Variants in NINL observed in about 807,000 individuals in gnomAD.
NINL encodes the protein ninein like.
Under a neutral mutation model 160.3 loss-of-function variants are expected in NINL, and 153 were observed. The observed-to-expected ratio is 0.95, with a 90% CI of 0.84 to 1.09. The LOEUF is 1.09. Ranked by LOEUF, NINL falls within the 50% of genes least tolerant of loss-of-function variation. NINL has a pLI of 0.00. For synonymous variants in NINL, 800 were observed against 734.8 expected (o/e 1.09, Z -1.43); for missense variants, 1,829 against 1,764.0 (o/e 1.04, Z -0.66).
chr20:25,532,635 T>A (rs1297818760), intron 1 of NINL, among the ~76,000 whole-genome samples: 1 of 152,220 alleles, frequency 6.6e-6, no homozygotes, highest in Non-Finnish European at 1.5e-5. Flanking sequence ...AACTCCTGCG[T>A]CTCAGACTCT....
chr20:25,532,060 G>A (rs1057107491), intron 1 of NINL, among the ~76,000 whole-genome samples: 1 of 152,186 alleles, frequency 6.6e-6, no homozygotes, highest in African/African-American at 2.4e-5. Flanking sequence ...CTCTGTGTGT[G>A]GCCAGGCCTG....
chr20:25,460,399 C>T (rs572446344), intron 21 of NINL, among the ~76,000 whole-genome samples: 2 of 152,308 alleles, frequency 1.3e-5, no homozygotes, highest in East Asian at 3.9e-4. Flanking sequence ...TGGTGAGGTG[C>T]TTCCCAACTG....
chr20:25,532,632 G>A (rs1161989794), intron 1 of NINL, among the ~76,000 whole-genome samples: 3 of 152,206 alleles, frequency 2.0e-5, no homozygotes, highest in African/African-American at 4.8e-5. Flanking sequence ...CCTAACTCCT[G>A]CGTCTCAGAC....
intron 1 of NINL, among the ~76,000 whole-genome samples, chr20:25,576,512 T>G (rs6037154): frequency 0.078 from 11,881 of 152,212 alleles, 492 homozygotes; most frequent in Non-Finnish European, 0.1. Context: ...CAGGCTGGAG[T>G]GCGGTGGTGC....
intron 1 of NINL, among the ~76,000 whole-genome samples, chr20:25,532,541 C>G (rs546330756): frequency 3.3e-5 from 5 of 152,366 alleles, no homozygotes; most frequent in Admixed American, 3.3e-4. Flanking sequence ...GCCCCCACCA[C>G]TTCTCAAGGC....
intron 3 of NINL, among the ~76,000 whole-genome samples, chr20:25,515,431 C>T (rs565872972): frequency 3.9e-5 from 6 of 152,206 alleles, no homozygotes; most frequent in South Asian, 2.1e-4. Context: ...GGCTCATAGG[C>T]GGAAGGGACT....
chr20:25,462,650 T>C, intron 19 of NINL, 109 bp from the exon 20 acceptor site: 1 of 881,222 alleles, frequency 1.1e-6, no homozygotes. Flanking sequence ...TCATTTGTTT[T>C]GTTTTGTTTT....
intron 1 of NINL, among the ~76,000 whole-genome samples, chr20:25,527,351 A>G (rs1195529498): frequency 1.3e-5 from 2 of 152,080 alleles, no homozygotes; most frequent in Non-Finnish European, 2.9e-5. Context: ...ACGAGGTTTC[A>G]CCATGTTGGA....
intron 1 of NINL, among the ~76,000 whole-genome samples, chr20:25,557,711 A>G (rs77617929): frequency 8.5e-4 from 130 of 152,310 alleles, no homozygotes; most frequent in African/African-American, 3.0e-3. Context: ...CCACAAGCAT[A>G]TTTGGATATT....
chr20:25,489,765 G>A, intron 12 of NINL, 110 bp downstream of exon 12: 2 of 808,644 alleles, frequency 2.5e-6, no homozygotes, highest in South Asian at 2.9e-5. Context: ...AATTTTAGGA[G>A]AATACCGCAT....
At chr20:25,494,335 T>C (rs1349514824) in intron 10 of NINL, among the ~76,000 whole-genome samples, 1 of 149,108 alleles carries the variant, frequency 6.7e-6, no homozygotes. Context: ...AGCACTGACA[T>C]GGCACCACAT....
At chr20:25,534,088 T>A (rs141425199) in intron 1 of NINL, among the ~76,000 whole-genome samples, 118 of 152,322 alleles carry the variant, frequency 7.7e-4, no homozygotes, top group Middle Eastern at 3.4e-3. Context: ...TGGCCCAGGA[T>A]ACACAGTCCT....
rs79893851 is a variant in NINL, at chr20:25,535,939, G to A, written c.-11-9341C>T. Among the ~76,000 whole-genome samples the A allele has an allele frequency of 9.7e-4, 148 of 152,244 alleles. No individual in the cohort carries two copies. In the East Asian group the frequency reaches 0.024, roughly 25 times the overall value. On this transcript the variant is annotated intron_variant, in intron 1 of 23. Coordinates refer to ENST00000278886, the MANE Select transcript of NINL (RefSeq NM_025176.6). Reference sequence around the variant, plus strand: ...AGCACACAGATGGAAAAGTCATTCCGCTTGGGACAACAAATGAAAAACACC... The same window carrying A: ...AGCACACAGATGGAAAAGTCATTCCACTTGGGACAACAAATGAAAAACACC...
At chr20:25,537,096 T>C (rs2064570519) in intron 1 of NINL, among the ~76,000 whole-genome samples, 1 of 152,172 alleles carries the variant, frequency 6.6e-6, no homozygotes, top group Non-Finnish European at 1.5e-5. Context: ...TCTGACTTCC[T>C]TTGTTTTTGA....
chr20:25,538,376 G>A (rs1032309473), intron 1 of NINL, among the ~76,000 whole-genome samples: 4 of 152,212 alleles, frequency 2.6e-5, no homozygotes, highest in African/African-American at 9.6e-5. Context: ...GCCAGGTCCT[G>A]TAAAAACACT....
chr20:25,498,036 G>A (rs1446144701), intron 9 of NINL, among the ~76,000 whole-genome samples, 174 bp downstream of exon 9: 1 of 152,258 alleles, frequency 6.6e-6, no homozygotes, highest in Non-Finnish European at 1.5e-5. Context: ...CCCTCTGCGA[G>A]CGCCGGCTTG....
chr20:25,584,674 C>T (rs1288745399), intron 1 of NINL, among the ~76,000 whole-genome samples: 4 of 152,204 alleles, frequency 2.6e-5, no homozygotes, highest in Non-Finnish European at 5.9e-5. Flanking sequence ...AACCTCCTCC[C>T]TAGTTCCAGG....
chr20:25,540,123 C>T (rs2064637233), intron 1 of NINL: 4 of 1,094,406 alleles, frequency 3.7e-6, no homozygotes, highest in Admixed American at 4.6e-5. Context: ...ATGTCAAAAT[C>T]ACCAGAAAAT....
intron 17 of NINL, among the ~76,000 whole-genome samples, chr20:25,473,677 C>T (rs1269995609): frequency 1.7e-4 from 4 of 24,158 alleles, no homozygotes; most frequent in African/African-American, 2.9e-4. Flanking sequence ...TACACACATA[C>T]ACACACACAC....
Sources: gnomAD v4.1 joint callset for allele counts (sites outside exome capture counted in the v4.1 genomes callset) on GRCh38, gnomAD v4.1.1 for gene constraint, MANE v1.5 for transcripts, NCBI Gene and HGNC (gene_info 2026-07-23, HGNC 2026-07-21) for gene names.